The following FBXL18 variants were observed in gnomAD, a reference collection of about 807,000 sequenced individuals.
FBXL18 encodes F-box and leucine rich repeat protein 18, also known as F-box/LRR-repeat protein 18.
FBXL18 carries 36 observed loss-of-function variants against 46.0 expected under a neutral mutation model. The observed-to-expected ratio is 0.78, with a 90% confidence interval of 0.60 to 1.03. The LOEUF is 1.03. FBXL18 is among the 50% of genes least tolerant of loss of function. The pLI, the probability that FBXL18 is intolerant of heterozygous loss-of-function variation, is 0.00. For synonymous variants in FBXL18, 557 were observed against 465.3 expected, an observed-to-expected ratio of 1.20 and a Z score of -2.54; for missense variants, 977 against 1,004.1, an observed-to-expected ratio of 0.97 and a Z score of 0.36.
At position 5,476,794 on chromosome 7, in the gene FBXL18, T is replaced by G. The variant is rs901158859; in HGVS notation, c.*4981A>C. 4 of 151,250 alleles carry G rather than the reference T, an allele frequency of 2.6e-5. No individual in the cohort carries two copies. The highest frequency in any genetic ancestry group is 9.7e-5 in the African/African-American group (4 of 41,088). 9.4% of individuals were successfully genotyped at this position (151,250 alleles called of 1,614,324 possible). A position where few individuals can be genotyped will look rare whatever the true frequency, so the allele number is the denominator to read the frequency against. ...CCTCCCATGTTTCTCAAAGGAGCTT[T>G]AGAGAGCAGAGGAGCCCGAGTCACT... On this transcript the variant is annotated 3_prime_UTR_variant, in exon 5 of 5. Transcript: ENST00000382368.
chr7:5,493,795 G>A lies in FBXL18; in HGVS notation c.1782-2346C>T, dbSNP rs142742965. On this transcript the variant is annotated intron_variant, in intron 3 of 4. Transcript: ENST00000382368. ...CTCCCAAAGTGCTAGGATTATAGGC[G>A]TGAGCCACCATGCCTGGTAGTTAAT... is the stretch of plus-strand genomic sequence containing the variant. 3.0e-3 allele frequency among the ~76,000 whole-genome samples: 449 copies of A among 152,052 alleles called. 6 individuals carry two copies. The highest frequency in any genetic ancestry group is 0.01 in the African/African-American group (423 of 41,510).
chr7:5,482,757 A>G (rs191209008), intron 4 of FBXL18, among the ~76,000 whole-genome samples: 147 of 152,276 alleles, frequency 9.7e-4, no homozygotes, highest in African/African-American at 3.5e-3. Context: ...ATGCAATGCA[A>G]GTGCATTTGT....
At chr7:5,485,445 G>A (rs778950235) in intron 4 of FBXL18, among the ~76,000 whole-genome samples, 5 of 152,190 alleles carry the variant, frequency 3.3e-5, no homozygotes, top group South Asian at 2.1e-4. Flanking sequence ...ACTCATTGGC[G>A]AGATGTGCCT....
chr7:5,512,679 C>G (rs1784571133), intron 1 of FBXL18, among the ~76,000 whole-genome samples: 1 of 152,128 alleles, frequency 6.6e-6, no homozygotes, highest in Non-Finnish European at 1.5e-5. Context: ...GTACCAGGAC[C>G]CCCCTTCTTC....
intron 4 of FBXL18, among the ~76,000 whole-genome samples, chr7:5,470,771 C>T (rs1215039944): frequency 1.3e-5 from 2 of 151,964 alleles, no homozygotes; most frequent in African/African-American, 4.8e-5. Flanking sequence ...GAGTGGCCCC[C>T]GGCACCTGTG....
At chr7:5,487,048 C>G (rs951181219) in intron 4 of FBXL18, among the ~76,000 whole-genome samples, 34 of 152,272 alleles carry the variant, frequency 2.2e-4, no homozygotes, top group African/African-American at 8.2e-4. Flanking sequence ...CGGCCGGTTC[C>G]CGGGAGCCCC....
At chr7:5,457,490 TTTA>T (rs1783189122) in intron 4 of FBXL18, among the ~76,000 whole-genome samples, 1 of 152,170 alleles carries the variant, frequency 6.6e-6, no homozygotes, top group South Asian at 2.1e-4. Flanking sequence ...AGCTAGGTTT[TTTA>T]TTATTTGCTA....
intron 1 of FBXL18, 56 bp from the exon 2 acceptor site, chr7:5,505,686 A>T: frequency 6.7e-7 from 1 of 1,484,488 alleles, no homozygotes; most frequent in Non-Finnish European, 9.4e-7. Flanking sequence ...CTGTCAGCCT[A>T]GCCTGCAGCT....
At chr7:5,468,320 T>G (rs910856302) in intron 4 of FBXL18, among the ~76,000 whole-genome samples, 18 of 152,018 alleles carry the variant, frequency 1.2e-4, no homozygotes, top group Non-Finnish European at 1.5e-4. Flanking sequence ...GATTTCACTG[T>G]GTCAGCCAGG....
At chr7:5,467,503 A>G (rs35737506) in intron 4 of FBXL18, among the ~76,000 whole-genome samples, 2,025 of 151,242 alleles carry the variant, frequency 0.013, 41 homozygotes, top group African/African-American at 0.046. Context: ...CCGAGATCAC[A>G]CCACCGCACC....
intron 4 of FBXL18, among the ~76,000 whole-genome samples, chr7:5,463,728 A>ATTTTTTTTTTTTTT (rs552002078): frequency 2.6e-4 from 14 of 53,010 alleles, no homozygotes; most frequent in Non-Finnish European, 4.7e-4. Context: ...TTATTTATTT[A>ATTTTTTTTTTTTTT]TTTTTTTTTT....
chr7:5,490,120 T>C (rs1166018643), intron 4 of FBXL18: 9 of 1,362,008 alleles, frequency 6.6e-6, no homozygotes, highest in Non-Finnish European at 8.8e-6. Context: ...CAAGCAGGGT[T>C]GTCGGCGCCC....
chr7:5,493,614 A>C (rs1554321520), intron 3 of FBXL18, among the ~76,000 whole-genome samples: 1 of 151,404 alleles, frequency 6.6e-6, no homozygotes, highest in Non-Finnish European at 1.5e-5. Flanking sequence ...TTTTTAAAAG[A>C]ATAAAGGAAG....
intron 4 of FBXL18, among the ~76,000 whole-genome samples, chr7:5,463,729 T>TATATA (rs1562672305): frequency 8.9e-4 from 9 of 10,060 alleles, no homozygotes; most frequent in African/African-American, 2.5e-3. Flanking sequence ...TATTTATTTA[T>TATATA]TTTTTTTTTT....
intron 3 of FBXL18, among the ~76,000 whole-genome samples, chr7:5,498,416 C>T (rs915870269): frequency 5.3e-5 from 8 of 152,088 alleles, no homozygotes; most frequent in African/African-American, 1.4e-4. Flanking sequence ...TTTAAAGGCT[C>T]GCCACATGGA....
At chr7:5,490,165 C>T (rs1402688967) in intron 4 of FBXL18, 10 of 1,355,988 alleles carry the variant, frequency 7.4e-6, no homozygotes, top group Admixed American at 1.9e-5. Flanking sequence ...TGGCTCTTCT[C>T]GCAACTCTGT....
At chr7:5,463,724 ATTTATTTTTTTTT>A (rs1783294593) in intron 4 of FBXL18, among the ~76,000 whole-genome samples, 1 of 59,672 alleles carries the variant, frequency 1.7e-5, no homozygotes, top group Non-Finnish European at 2.9e-5. Context: ...TTATTTATTT[ATTTATTTTTTTTT>A]TTTTTTTTTT....
chr7:5,504,451 C>T (rs1784343643), intron 2 of FBXL18, among the ~76,000 whole-genome samples: 1 of 146,646 alleles, frequency 6.8e-6, no homozygotes, highest in Non-Finnish European at 1.5e-5. Flanking sequence ...ATTACAGGCT[C>T]CCACCACCAT....
At chr7:5,511,708 C>T (rs1426577440) in intron 1 of FBXL18, among the ~76,000 whole-genome samples, 1 of 150,584 alleles carries the variant, frequency 6.6e-6, no homozygotes, top group Non-Finnish European at 1.5e-5. Flanking sequence ...GTGGAGCTTG[C>T]AGTGAGCCGA....
Sources: allele counts gnomAD v4.1 joint callset (sites outside exome capture counted in the v4.1 genomes callset), GRCh38; gene constraint gnomAD v4.1.1; transcripts MANE v1.5; gene names NCBI Gene and HGNC (gene_info 2026-07-23, HGNC 2026-07-21).